TOGARAM1: variants seen among roughly 807,000 people sequenced by gnomAD.
TOGARAM1 encodes TOG array regulator of axonemal microtubules protein 1.
A neutral mutation model predicts 166.6 loss-of-function variants in TOGARAM1; 100 were observed. The observed-to-expected ratio is 0.60, with a 90% CI of 0.51 to 0.71. The LOEUF (loss-of-function observed/expected upper bound fraction) is 0.71. TOGARAM1 is among the 30% of genes least tolerant of loss of function. TOGARAM1 has a pLI of 0.00. For missense variants in TOGARAM1, 2,029 were observed against 2,102.7 expected (o/e 0.96, Z 0.69); for synonymous variants, 758 against 763.8 (o/e 0.99, Z 0.13).
At position 45,025,543 on chromosome 14, in the gene TOGARAM1, G is replaced by T. The variant is rs557707420; in HGVS notation, c.3239-240G>T. On this transcript the variant is annotated intron_variant, in intron 7 of 19. Transcript: ENST00000361462. The stretch of plus-strand genomic sequence containing the variant: ...CACACCACTGCATTCCAGCCTGGGC[G>T]ACAGAGCGAGACTCCATCTCAAAAA... 3 of 316,952 alleles carry T rather than the reference G, an allele frequency of 9.5e-6. No homozygotes were observed. The East Asian group carries it at 2.1e-4, about 23-fold the overall frequency. 19.6% of individuals were successfully genotyped at this position (316,952 alleles called of 1,614,324 possible).
chr14:44,981,369 G>T (rs543734620), intron 1 of TOGARAM1, among the ~76,000 whole-genome samples: 127 of 152,264 alleles, frequency 8.3e-4, no homozygotes, highest in Non-Finnish European at 1.1e-3. Context: ...AGCAGTAGGA[G>T]ATATAACCAA....
intron 1 of TOGARAM1, among the ~76,000 whole-genome samples, chr14:44,976,642 A>C (rs1381691661): frequency 6.7e-6 from 1 of 148,874 alleles, no homozygotes; most frequent in East Asian, 2.0e-4. Flanking sequence ...CTTTAAAAAA[A>C]AACTCTTAAA....
intron 16 of TOGARAM1, among the ~76,000 whole-genome samples, chr14:45,055,842 C>CTTT (rs770271609): frequency 1.2e-3 from 119 of 99,250 alleles, no homozygotes; most frequent in African/African-American, 3.8e-3. Flanking sequence ...TACTTGGGCT[C>CTTT]TTTTTTTTTT....
At chr14:45,060,217 C>CT (rs771278378) in intron 16 of TOGARAM1, among the ~76,000 whole-genome samples, 8,811 of 116,602 alleles carry the variant, frequency 0.076, 789 homozygotes, top group African/African-American at 0.22. Context: ...TGCACCCGGC[C>CT]TTTTTTTTTT....
intron 2 of TOGARAM1, chr14:44,996,197 C>T (rs1358725989): frequency 1.6e-5 from 3 of 181,880 alleles, no homozygotes; most frequent in African/African-American, 7.0e-5. Context: ...AGCTTGCATT[C>T]TACTTAGGAA....
At chr14:44,997,200 G>A (rs1247393364) in intron 2 of TOGARAM1, 2 of 152,196 alleles carry the variant, frequency 1.3e-5, no homozygotes, top group African/African-American at 4.8e-5. Context: ...GCAGTCAAGA[G>A]ACTGAGACCA....
chr14:44,991,112 C>G (rs983548309), intron 1 of TOGARAM1, among the ~76,000 whole-genome samples: 7 of 151,766 alleles, frequency 4.6e-5, no homozygotes, highest in African/African-American at 1.7e-4. Context: ...GAATGCAACA[C>G]CAGGCCTGGT....
intron 1 of TOGARAM1, among the ~76,000 whole-genome samples, chr14:44,980,232 A>G (rs116559027): frequency 2.2e-4 from 33 of 152,240 alleles, no homozygotes; most frequent in African/African-American, 7.2e-4. Flanking sequence ...TGTTATTTCT[A>G]TCTTGTCCAC....
chr14:45,022,508 G>C (rs1012033584), intron 7 of TOGARAM1, among the ~76,000 whole-genome samples: 5 of 151,406 alleles, frequency 3.3e-5, no homozygotes, highest in Admixed American at 2.0e-4. Context: ...ATAATGATTT[G>C]GCCATCTGAT....
intron 7 of TOGARAM1, among the ~76,000 whole-genome samples, chr14:45,019,527 C>G (rs2138883080): frequency 6.6e-6 from 1 of 152,214 alleles, no homozygotes; most frequent in African/African-American, 2.4e-5. Flanking sequence ...AGCTCCCATA[C>G]AAAGGGAGGG....
At chr14:45,043,567 TC>T (rs1881833587) in intron 11 of TOGARAM1, 118 bp from the exon 12 acceptor site, 1 of 671,654 alleles carries the variant, frequency 1.5e-6, no homozygotes, top group Non-Finnish European at 2.6e-6. Flanking sequence ...TCTGAGCCTT[TC>T]TCACCTTTCT....
intron 5 of TOGARAM1, chr14:45,007,431 T>G (rs1879518305): frequency 6.6e-6 from 1 of 152,066 alleles, no homozygotes; most frequent in East Asian, 1.9e-4. Flanking sequence ...ACTTATAAAT[T>G]TCACCTGATC....
intron 3 of TOGARAM1, among the ~76,000 whole-genome samples, chr14:45,003,725 G>A (rs1887794123): frequency 7.8e-6 from 1 of 127,736 alleles, no homozygotes; most frequent in African/African-American, 3.4e-5. Context: ...TCATTGTAAT[G>A]AGAAAAAGAA....
intron 1 of TOGARAM1, among the ~76,000 whole-genome samples, chr14:44,966,566 T>G (rs1489278778): frequency 6.6e-6 from 1 of 152,160 alleles, no homozygotes; most frequent in Non-Finnish European, 1.5e-5. Flanking sequence ...TGCAATTCTT[T>G]TTTTCTTGTA....
chr14:45,002,636 A>G (rs1887739490), intron 3 of TOGARAM1, among the ~76,000 whole-genome samples: 1 of 152,180 alleles, frequency 6.6e-6, no homozygotes, highest in Admixed American at 6.5e-5. Flanking sequence ...CATTGTTTTT[A>G]TGTATATGCA....
At chr14:45,027,540 C>A in intron 9 of TOGARAM1, 66 bp downstream of exon 9, 1 of 1,251,898 alleles carries the variant, frequency 8.0e-7, no homozygotes, top group Non-Finnish European at 1.1e-6. Context: ...TTGTGTATAT[C>A]AGATGTGGGG....
chr14:44,975,316 T>TA (rs1405844035), intron 1 of TOGARAM1, among the ~76,000 whole-genome samples: 2 of 152,178 alleles, frequency 1.3e-5, no homozygotes, highest in Non-Finnish European at 2.9e-5. Context: ...TATTTTCTGT[T>TA]AGAGGGAATA....
chr14:45,039,789 G>A (rs1386702577), intron 11 of TOGARAM1, among the ~76,000 whole-genome samples: 1 of 152,186 alleles, frequency 6.6e-6, no homozygotes, highest in Non-Finnish European at 1.5e-5. Context: ...CTGTGGCTGA[G>A]TGGCTGCAGC....
rs1883480261 is a variant in TOGARAM1 at position 45,073,581 on chromosome 14, A to G, written c.*20A>G. 1.3e-6 allele frequency: 2 copies of G among 1,598,926 alleles called. No individual in the cohort carries two copies. Among genetic ancestry groups the G allele is most frequent in the African/African-American group, 1.3e-5 (1 of 74,598 alleles). ...TTATGAATCTTCGATAAAATACTGT[A>G]TGATGAACAAAAGTGTTTACATGAT... is the stretch of plus-strand genomic sequence containing the variant. On this transcript the variant is annotated 3_prime_UTR_variant, in exon 20 of 20. Transcript: ENST00000361462.
Sources: gnomAD v4.1 joint callset for allele counts (sites outside exome capture counted in the v4.1 genomes callset) on GRCh38, gnomAD v4.1.1 for gene constraint, MANE v1.5 for transcripts, NCBI Gene and HGNC (gene_info 2026-07-23, HGNC 2026-07-21) for gene names.